The following CLIP2 variants were observed in gnomAD, a reference collection of about 807,000 sequenced individuals.
CLIP2 encodes CAP-Gly domain-containing linker protein 2.
CLIP2 carries 41 observed loss-of-function variants against 111.7 expected under a neutral mutation model. That is an observed-to-expected ratio of 0.37 (90% CI 0.29 to 0.48). CLIP2 has a LOEUF of 0.48. Among genes scored for constraint, CLIP2 ranks in the 20% least tolerant of loss-of-function variants. The pLI is 0.99. For synonymous variants in CLIP2, 660 were observed against 644.2 expected (o/e 1.02, Z -0.37); for missense variants, 1,160 against 1,422.1 (o/e 0.82, Z 2.96).
In CLIP2 at chr7:74,338,486, T is replaced by C. The variant is rs1584339458; in HGVS notation, c.160T>C (p.Ser54Pro). The C allele has an allele frequency of 6.2e-7, 1 of 1,612,166 alleles. No individual in the cohort carries two copies. Residue 54 changes from serine (S) to proline (P), a missense_variant, in exon 3 of 17, where the codon TCC (serine) becomes CCC (proline). Coordinates refer to ENST00000223398, the MANE Select transcript of CLIP2 (RefSeq NM_003388.5). This position sits in a 1 kb window ranked among gnomAD's most constrained non-coding sequence, Gnocchi z 4.3. ...CAAACAGTCATCTGGACCCTCCTCC[T>C]CCCCGGCCGCAGCTGCTGCCCCCGA... ...LHKQSSGPSS[S>P]PAAAAAPEKP...
intron 2 of CLIP2, among the ~76,000 whole-genome samples, chr7:74,331,763 C>T (rs535853314): frequency 1.9e-4 from 29 of 151,298 alleles, no homozygotes; most frequent in African/African-American, 6.6e-4. Flanking sequence ...TAAGTAGAGA[C>T]GGGGTTTCAC....
chr7:74,385,090 G>C (rs566743284), intron 11 of CLIP2, among the ~76,000 whole-genome samples: 109 of 137,824 alleles, frequency 7.9e-4, no homozygotes, highest in African/African-American at 2.9e-3. Context: ...CAGCCTGGCG[G>C]ACATGGTGAA....
rs1453731611 is a variant in CLIP2, at chr7:74,357,527, G to A, written c.1215+50G>A. On this transcript the variant is annotated intron_variant, in intron 6 of 16. Coordinates refer to ENST00000223398, the MANE Select transcript of CLIP2 (RefSeq NM_003388.5). ...CAGAGCTTCTCCAGCCAGCCTCATA[G>A]AGTCTCACCCACTCAGAGCGGAGAC... The A allele has an allele frequency of 3.9e-6, 6 of 1,549,618 alleles. No individual in the cohort carries two copies. In the Admixed American group the frequency reaches 1.1e-4, roughly 29 times the overall value.
intron 2 of CLIP2, among the ~76,000 whole-genome samples, chr7:74,320,268 G>C (rs1554729851): frequency 6.6e-6 from 1 of 151,504 alleles, no homozygotes; most frequent in Non-Finnish European, 1.5e-5. Flanking sequence ...ACTCAAGCCT[G>C]TAATCCCAGC....
At chr7:74,371,916 A>T (rs1163092678) in intron 8 of CLIP2, among the ~76,000 whole-genome samples, 1 of 152,184 alleles carries the variant, frequency 6.6e-6, no homozygotes, top group East Asian at 1.9e-4. Flanking sequence ...ACCTTCACCA[A>T]TAGACAAGCT....
chr7:74,327,485 G>A (rs782224097), intron 2 of CLIP2, among the ~76,000 whole-genome samples: 2 of 152,166 alleles, frequency 1.3e-5, no homozygotes, highest in African/African-American at 4.8e-5. Flanking sequence ...TGAAGTGCCC[G>A]AGGTGGGGCC....
At chr7:74,323,030 G>A (rs534106303) in intron 2 of CLIP2, among the ~76,000 whole-genome samples, 4 of 151,842 alleles carry the variant, frequency 2.6e-5, no homozygotes, top group African/African-American at 7.2e-5. Flanking sequence ...CGCCTGGCCC[G>A]TTTATCTTTT....
chr7:74,306,859 C>T lies in CLIP2; in HGVS notation c.-67-10621C>T, dbSNP rs537751933. The stretch of plus-strand genomic sequence containing the variant: ...TTACAGGTAATGAAACTGAGGCTCT[C>T]TCTGGGCCAAGGGCTCACAGCCACT... On this transcript the variant is annotated intron_variant, in intron 1 of 16. Transcript: ENST00000223398. Among the ~76,000 whole-genome samples, 30 of 152,352 alleles carry T rather than the reference C, an allele frequency of 2.0e-4. No individual in the cohort carries two copies. In the East Asian group the frequency reaches 5.6e-3, roughly 28 times the overall value.
Position 74,389,331 on chromosome 7 carries a change from C to T in CLIP2, c.2720+72C>T, listed in dbSNP as rs1338602391. 9 of 1,424,576 alleles carry T rather than the reference C, an allele frequency of 6.3e-6. 1 individual carries two copies. Among genetic ancestry groups the T allele is most frequent in the East Asian group, 5.1e-5 (2 of 39,204 alleles). 88.2% of individuals were successfully genotyped at this position (1,424,576 alleles called of 1,614,324 possible). A position where few individuals can be genotyped will look rare whatever the true frequency, so the allele number is the denominator to read the frequency against. On this transcript the variant is annotated intron_variant, in intron 13 of 16. Transcript: ENST00000223398. The stretch of plus-strand genomic sequence containing the variant: ...CTTGCTCCTCTTCTTGACATTAGCT[C>T]ATGTTATCTTGGGGCAGAGAGGGGG...
chr7:74,382,961 TC>T (rs2116673233), intron 11 of CLIP2, among the ~76,000 whole-genome samples: 1 of 151,068 alleles, frequency 6.6e-6, no homozygotes, highest in African/African-American at 2.4e-5. Context: ...GCAGCTATAG[TC>T]CCAGATACTT....
chr7:74,357,560 G>A, intron 6 of CLIP2, 83 bp downstream of exon 6: 2 of 1,299,322 alleles, frequency 1.5e-6, no homozygotes, highest in South Asian at 1.3e-5. Context: ...GACCCTGGAG[G>A]GGGTGGGTGC....
chr7:74,400,010 C>T (rs1331590289), intron 14 of CLIP2, among the ~76,000 whole-genome samples: 10 of 151,542 alleles, frequency 6.6e-5, no homozygotes, highest in African/African-American at 1.5e-4. Context: ...AAAAAATTAG[C>T]GGGGCGTGGT....
At chr7:74,381,002 C>A in intron 11 of CLIP2, 139 bp downstream of exon 11, 1 of 790,320 alleles carries the variant, frequency 1.3e-6, no homozygotes. Flanking sequence ...GAGCTATGTA[C>A]TCCTGCAAGG....
intron 1 of CLIP2, among the ~76,000 whole-genome samples, chr7:74,309,616 G>C (rs1390341050): frequency 6.6e-6 from 1 of 151,976 alleles, no homozygotes; most frequent in East Asian, 1.9e-4. Context: ...CCAGCACTTT[G>C]GGAGGCTGAG....
intron 1 of CLIP2, among the ~76,000 whole-genome samples, chr7:74,292,432 G>T (rs1554725515): frequency 2.6e-5 from 4 of 152,126 alleles, no homozygotes; most frequent in African/African-American, 9.7e-5. Flanking sequence ...TGTCGCCCAG[G>T]CTGGAGTGCA....
intron 1 of CLIP2, among the ~76,000 whole-genome samples, chr7:74,307,636 G>A (rs1366865809): frequency 6.6e-6 from 1 of 152,070 alleles, no homozygotes. Context: ...GACTACAGGT[G>A]CCCACCACCA....
At chr7:74,351,216 C>G (rs886377628) in intron 3 of CLIP2, among the ~76,000 whole-genome samples, 1 of 151,806 alleles carries the variant, frequency 6.6e-6, no homozygotes, top group Admixed American at 6.6e-5. Flanking sequence ...GAGGCAAGCA[C>G]TTTGGGAGGC....
At chr7:74,392,264 TG>T (rs1472810370) in intron 13 of CLIP2, among the ~76,000 whole-genome samples, 1 of 149,832 alleles carries the variant, frequency 6.7e-6, no homozygotes, top group East Asian at 2.0e-4. Flanking sequence ...GGCAGGAGAA[TG>T]GCGTGAACCT....
chr7:74,398,627 A>C (rs10225008), intron 14 of CLIP2, among the ~76,000 whole-genome samples: 109,947 of 152,210 alleles, frequency 0.72, 40,149 homozygotes, highest in African/African-American at 0.83. Context: ...CCTCAGCGCC[A>C]CCGACCCCCT....
Sources: allele counts gnomAD v4.1 joint callset (sites outside exome capture counted in the v4.1 genomes callset), GRCh38; gene constraint gnomAD v4.1.1; non-coding constraint Gnocchi (gnomAD v3.1); transcripts MANE v1.5; gene names NCBI Gene and HGNC (gene_info 2026-07-23, HGNC 2026-07-21).